TTLL8: variants seen among roughly 807,000 people sequenced by gnomAD.
TTLL8 encodes the protein tubulin tyrosine ligase like 8.
In TTLL8, 65 loss-of-function variants were observed where a neutral mutation model predicts 77.8. The ratio of observed to expected loss-of-function variants is 0.84; its 90% CI spans 0.68 to 1.03. The LOEUF is 1.03. TTLL8 is among the 50% of genes least tolerant of loss of function. The pLI is 0.00. For synonymous variants in TTLL8, 402 were observed against 422.8 expected (o/e 0.95, Z 0.60); for missense variants, 910 against 1,004.5 (o/e 0.91, Z 1.27).
intron 6 of TTLL8, among the ~76,000 whole-genome samples, chr22:50,043,444 T>C (rs1465863863): frequency 1.9e-4 from 28 of 145,346 alleles, no homozygotes; most frequent in African/African-American, 5.1e-4. Flanking sequence ...TGCCGAGACG[T>C]CCTTCGGTAG....
chr22:50,025,817 C>T (rs374860507), intron 12 of TTLL8, among the ~76,000 whole-genome samples: 5 of 152,142 alleles, frequency 3.3e-5, no homozygotes, highest in East Asian at 1.9e-4. Context: ...CTGAGAAACA[C>T]GAATTAAAAC....
intron 10 of TTLL8, 39 bp from the exon 12 acceptor site, chr22:50,032,148 G>A (rs776996378): frequency 3.8e-6 from 5 of 1,316,234 alleles, no homozygotes; most frequent in Non-Finnish European, 4.0e-6. Flanking sequence ...AGCCTCCCTT[G>A]GCCCAGGAGG....
intron 10 of TTLL8, among the ~76,000 whole-genome samples, chr22:50,032,461 G>A (rs1457200960): frequency 6.6e-6 from 1 of 152,252 alleles, no homozygotes; most frequent in Non-Finnish European, 1.5e-5. Flanking sequence ...CAGTGAGCAG[G>A]TGAGGGTCGT....
At chr22:50,020,032 A>T (rs934724531) in intron 12 of TTLL8, among the ~76,000 whole-genome samples, 1 of 152,348 alleles carries the variant, frequency 6.6e-6, no homozygotes, top group South Asian at 2.1e-4. Context: ...AATTACATGC[A>T]TCTTATCATA....
At chr22:50,036,889 C>T (rs1362600460) in intron 8 of TTLL8, among the ~76,000 whole-genome samples, 6 of 152,190 alleles carry the variant, frequency 3.9e-5, no homozygotes, top group South Asian at 2.1e-4. Context: ...TGAGCCGCCG[C>T]GCCCAGCCAG....
chr22:50,028,511 G>T (rs1311849762), intron 12 of TTLL8, among the ~76,000 whole-genome samples: 1 of 152,104 alleles, frequency 6.6e-6, no homozygotes, highest in East Asian at 1.9e-4. Context: ...CTCCGTGAGT[G>T]GGTCCCAGCC....
At chr22:50,030,892 C>T (rs978923861) in exon 12 of TTLL8, 2 of 1,323,460 alleles carry the variant, frequency 1.5e-6, no homozygotes. Flanking sequence ...ACGCAGAGGT[C>T]GGACCCGCTG....
At chr22:50,022,201 C>T (rs373660452) in intron 12 of TTLL8, among the ~76,000 whole-genome samples, 132 of 139,772 alleles carry the variant, frequency 9.4e-4, no homozygotes, top group East Asian at 7.7e-3. Context: ...CTCCATCTGA[C>T]GACGTGCACT....
In TTLL8 at chr22:50,054,407, CCTCCCTCTCCTGGG is replaced by C. The variant is rs201973400; in HGVS notation, c.51+155_51+168del. ...CTTACATCCCAGTTAAAAGGTAAGGCCTCCCTCTCCTGGGCTCCCTCTCCTGGGGAGGGAGAGTG... is the reference window on the plus strand; with the variant it reads ...CTTACATCCCAGTTAAAAGGTAAGGCCTCCCTCTCCTGGGGAGGGAGAGTG... On this transcript the variant is annotated intron_variant, in intron 1 of 13. Coordinates refer to ENST00000266182, the Ensembl canonical transcript of TTLL8. Among the ~76,000 whole-genome samples, 1,258 of 152,160 alleles carry C rather than the reference CCTCCCTCTCCTGGG, an allele frequency of 8.3e-3. 16 individuals carry two copies. The highest frequency in any genetic ancestry group is 0.029 in the African/African-American group (1,197 of 41,528).
In TTLL8 at chr22:50,034,579, G is replaced by A. The variant is rs573527363; in HGVS notation, c.922-117C>T. 27 of 1,128,254 alleles carry A rather than the reference G, an allele frequency of 2.4e-5. No homozygotes were observed. The Admixed American group carries it at 4.0e-4, about 17-fold the overall frequency. The allele number at this position is 1,128,254 out of a possible 1,614,324, so 69.9% of individuals were successfully genotyped here. On this transcript the variant is annotated intron_variant, in intron 8 of 13. Transcript: ENST00000266182. The surrounding 1 kb of genome is among the most constrained non-coding windows in gnomAD (Gnocchi z 4.1). ...CGCCTCACCCACCAAGCAGGCGCTCGGCTCTAGGATGGTCTGGGGCTGGCC... is the reference window on the plus strand; with the variant it reads ...CGCCTCACCCACCAAGCAGGCGCTCAGCTCTAGGATGGTCTGGGGCTGGCC...
intron 6 of TTLL8, 181 bp downstream of exon 8, chr22:50,045,074 T>G: frequency 2.0e-6 from 1 of 503,754 alleles, no homozygotes; most frequent in Non-Finnish European, 2.6e-6. Flanking sequence ...CTTTGACGTT[T>G]AGCCCCACGG....
At position 50,041,465 on chromosome 22, in the gene TTLL8, C is replaced by G. The variant is rs1178768278; in HGVS notation, c.830+156G>C. ...AGCATCCCAGACATCCAGACAGGAG[C>G]CCCAACGCCAGGACAGGCATCTCAA... On this transcript the variant is annotated intron_variant, in intron 7 of 13. Coordinates refer to ENST00000266182, the Ensembl canonical transcript of TTLL8. This position sits in a 1 kb window ranked among gnomAD's most constrained non-coding sequence, Gnocchi z 4.3. The G allele has an allele frequency of 1.0e-6, 1 of 962,702 alleles. No individual in the cohort carries two copies. Among genetic ancestry groups the G allele is most frequent in the East Asian group, 1.2e-4 (1 of 8,644 alleles). 59.6% of individuals were successfully genotyped at this position (962,702 alleles called of 1,614,324 possible). A position where few individuals can be genotyped will look rare whatever the true frequency, so the allele number is the denominator to read the frequency against.
exon 10 of TTLL8, chr22:50,033,399 A>T (rs1409524637): frequency 7.3e-7 from 1 of 1,365,314 alleles, no homozygotes; most frequent in Admixed American, 1.9e-5. Context: ...GGTGGTCTGC[A>T]GCTGCCAGCT....
intron 12 of TTLL8, among the ~76,000 whole-genome samples, chr22:50,026,035 C>G (rs774865130): frequency 6.6e-6 from 1 of 152,198 alleles, no homozygotes; most frequent in South Asian, 2.1e-4. Flanking sequence ...GACACACAGC[C>G]AAGACAGACA....
intron 3 of TTLL8, 124 bp from the exon 6 acceptor site, chr22:50,047,420 G>A: frequency 1.4e-6 from 1 of 734,684 alleles, no homozygotes; most frequent in Non-Finnish European, 2.0e-6. Context: ...GCCGGGCTCT[G>A]CTGCAGGCAG....
exon 5 of TTLL8, chr22:50,045,966 C>T (rs2061408443): frequency 1.5e-6 from 2 of 1,353,372 alleles, no homozygotes; most frequent in East Asian, 9.3e-5. Context: ...CACGCACAGC[C>T]CGATCTCCAG....
At chr22:50,050,610 G>T (rs560141266) in intron 1 of TTLL8, among the ~76,000 whole-genome samples, 12 of 152,216 alleles carry the variant, frequency 7.9e-5, no homozygotes, top group South Asian at 2.1e-4. Context: ...AGAGCAAAAA[G>T]TTGGGGGAAA....
intron 1 of TTLL8, among the ~76,000 whole-genome samples, chr22:50,053,221 CA>C (rs55893423): frequency 0.24 from 25,081 of 102,860 alleles, 2,454 homozygotes; most frequent in Non-Finnish European, 0.35. Flanking sequence ...GACTCCATCT[CA>C]AAAAAAAAAA....
upstream of TTLL8, among the ~76,000 whole-genome samples, chr22:50,056,392 CG>C (rs2061470882): frequency 7.3e-6 from 1 of 137,486 alleles, no homozygotes; most frequent in South Asian, 2.6e-4. This position sits in a 1 kb window ranked among gnomAD's most constrained non-coding sequence, Gnocchi z 4.1. Flanking sequence ...ACACCCACTG[CG>C]GGTGGGGACG....
Sources: gnomAD v4.1 joint callset for allele counts (sites outside exome capture counted in the v4.1 genomes callset) on GRCh38, gnomAD v4.1.1 for gene constraint, Gnocchi (gnomAD v3.1) non-coding constraint, MANE v1.5 for transcripts, NCBI Gene and HGNC (gene_info 2026-07-23, HGNC 2026-07-21) for gene names.